The following PEX14 variants were observed in gnomAD, a reference collection of about 807,000 sequenced individuals.
PEX14 encodes peroxisomal biogenesis factor 14.
PEX14 carries 15 observed loss-of-function variants against 49.5 expected under a neutral mutation model. That is an observed-to-expected ratio of 0.30 (90% CI 0.20 to 0.47). PEX14 has a LOEUF of 0.47. PEX14 is among the 20% of genes least tolerant of loss of function. PEX14 has a pLI of 1.00. For missense variants in PEX14, 398 were observed against 494.8 expected, an observed-to-expected ratio of 0.80 and a Z score of 1.86; for synonymous variants, 210 against 212.7, an observed-to-expected ratio of 0.99 and a Z score of 0.11.
intron 3 of PEX14, among the ~76,000 whole-genome samples, chr1:10,554,124 C>G (rs1171517949): frequency 1.1e-5 from 1 of 87,430 alleles, no homozygotes; most frequent in African/African-American, 4.4e-5. Context: ...CCCGTCTCTA[C>G]TAAAAATACA....
intron 3 of PEX14, among the ~76,000 whole-genome samples, chr1:10,550,184 C>G (rs996607599): frequency 1.3e-5 from 2 of 152,114 alleles, no homozygotes; most frequent in Non-Finnish European, 2.9e-5. Flanking sequence ...GGGAAGGTTG[C>G]TGAGACCAGA....
chr1:10,547,954 G>A (rs139457879), intron 3 of PEX14, among the ~76,000 whole-genome samples: 5,149 of 152,254 alleles, frequency 0.034, 301 homozygotes, highest in African/African-American at 0.12. Flanking sequence ...AGTGGCTCAC[G>A]TCTGTAATCC....
intron 7 of PEX14, among the ~76,000 whole-genome samples, chr1:10,627,065 A>C (rs1641769573): frequency 6.6e-6 from 1 of 152,180 alleles, no homozygotes; most frequent in Admixed American, 6.5e-5. Context: ...ACGTCATCAG[A>C]TGTCCAAACA....
chr1:10,589,856 C>G (rs778324279), intron 3 of PEX14, among the ~76,000 whole-genome samples: 9 of 152,218 alleles, frequency 5.9e-5, no homozygotes, highest in Non-Finnish European at 8.8e-5. Context: ...CCACAGCACC[C>G]TCACTGGCAT....
At chr1:10,622,951 A>C in intron 5 of PEX14, 68 bp from the exon 6 acceptor site, 1 of 1,118,700 alleles carries the variant, frequency 8.9e-7, no homozygotes, top group Non-Finnish European at 1.3e-6. Context: ...GGGCGGCAGA[A>C]TTTGAGAGAT....
At chr1:10,480,869 A>T (rs55935829) in intron 1 of PEX14, among the ~76,000 whole-genome samples, 58,264 of 138,474 alleles carry the variant, frequency 0.42, 12,804 homozygotes, top group Non-Finnish European at 0.51. Flanking sequence ...CTATATATAT[A>T]TTTTTTTTTT....
chr1:10,614,248 A>G (rs1365380744), intron 4 of PEX14, among the ~76,000 whole-genome samples: 1 of 152,220 alleles, frequency 6.6e-6, no homozygotes, highest in Non-Finnish European at 1.5e-5. Flanking sequence ...GAATTGTATC[A>G]CACATCTCCA....
At chr1:10,589,688 C>T (rs1334850029) in intron 3 of PEX14, among the ~76,000 whole-genome samples, 1 of 152,180 alleles carries the variant, frequency 6.6e-6, no homozygotes, top group Non-Finnish European at 1.5e-5. Flanking sequence ...GTTGGAATTA[C>T]AGGCATGAGC....
At chr1:10,489,280 C>G (rs1641429191) in intron 1 of PEX14, among the ~76,000 whole-genome samples, 1 of 152,172 alleles carries the variant, frequency 6.6e-6, no homozygotes, top group South Asian at 2.1e-4. Context: ...CGTGCCTGGC[C>G]ATGTGTTGAA....
chr1:10,627,995 G>C (rs1229883157), intron 8 of PEX14, among the ~76,000 whole-genome samples: 2 of 152,048 alleles, frequency 1.3e-5, no homozygotes, highest in Non-Finnish European at 2.9e-5. Flanking sequence ...CAGTGCAGTG[G>C]CACGATCTCG....
chr1:10,562,802 C>T (rs985013744), intron 3 of PEX14, among the ~76,000 whole-genome samples: 1 of 152,148 alleles, frequency 6.6e-6, no homozygotes, highest in Non-Finnish European at 1.5e-5. Context: ...TTATCAGCTT[C>T]ATGAACATTG....
chr1:10,527,456 G>T (rs1157192195), intron 2 of PEX14, among the ~76,000 whole-genome samples: 1 of 148,632 alleles, frequency 6.7e-6, no homozygotes, highest in African/African-American at 2.5e-5. Context: ...GGTGGAGTTT[G>T]CAGTGAGCCG....
intron 1 of PEX14, among the ~76,000 whole-genome samples, chr1:10,478,187 C>T (rs1641228534): frequency 6.6e-6 from 1 of 152,132 alleles, no homozygotes; most frequent in Admixed American, 6.6e-5. Context: ...CTGCACCTGG[C>T]CTTAAATGAG....
At chr1:10,594,512 AC>A (rs1640776303) in intron 3 of PEX14, among the ~76,000 whole-genome samples, 1 of 152,198 alleles carries the variant, frequency 6.6e-6, no homozygotes, top group Non-Finnish European at 1.5e-5. Flanking sequence ...TTATAATAAA[AC>A]TAGGGCTGAG....
At chr1:10,609,100 C>A (rs2124618355) in intron 4 of PEX14, among the ~76,000 whole-genome samples, 1 of 152,258 alleles carries the variant, frequency 6.6e-6, no homozygotes. Flanking sequence ...TAATTCATTC[C>A]ATTTTATCAT....
At chr1:10,511,659 T>A (rs145643013) in intron 2 of PEX14, among the ~76,000 whole-genome samples, 365 of 152,214 alleles carry the variant, frequency 2.4e-3, no homozygotes, top group African/African-American at 8.2e-3. Flanking sequence ...GCCTCTGACT[T>A]CCATAGACCG....
chr1:10,547,461 T>TC (rs1232352441), intron 3 of PEX14, among the ~76,000 whole-genome samples: 2 of 152,120 alleles, frequency 1.3e-5, no homozygotes, highest in Non-Finnish European at 2.9e-5. Context: ...GGTGCGTTAG[T>TC]CCCCGCCTTA....
intron 1 of PEX14, among the ~76,000 whole-genome samples, chr1:10,483,056 C>T (rs1200426144): frequency 1.3e-5 from 2 of 152,176 alleles, no homozygotes; most frequent in Admixed American, 6.5e-5. Flanking sequence ...GTCCCATTGT[C>T]GAAGATGAAG....
intron 4 of PEX14, among the ~76,000 whole-genome samples, chr1:10,610,367 A>G (rs1211756136): frequency 5.4e-5 from 2 of 36,942 alleles, no homozygotes; most frequent in Non-Finnish European, 1.3e-4. Context: ...ATATATATAT[A>G]TATATACACA....
Sources: allele counts gnomAD v4.1 joint callset (sites outside exome capture counted in the v4.1 genomes callset), GRCh38; gene constraint gnomAD v4.1.1; transcripts MANE v1.5; gene names NCBI Gene and HGNC (gene_info 2026-07-23, HGNC 2026-07-21).